Variants in TET3 observed in about 807,000 individuals in gnomAD.
The protein encoded by TET3 is tet methylcytosine dioxygenase 3, also known as methylcytosine dioxygenase TET3.
A neutral mutation model predicts 141.4 loss-of-function variants in TET3; 19 were observed. That is an observed-to-expected ratio of 0.13 (90% CI 0.09 to 0.20). TET3 has a LOEUF of 0.20. TET3 is among the 10% of genes least tolerant of loss of function. TET3 has a pLI of 1.00. For synonymous variants in TET3, 1,043 were observed against 980.9 expected, an observed-to-expected ratio of 1.06 and a Z score of -1.18; for missense variants, 1,874 against 2,356.9, an observed-to-expected ratio of 0.80 and a Z score of 4.24.
chr2:74,100,948 A>G lies in TET3; in HGVS notation c.4160A>G (p.Gln1387Arg), dbSNP rs748544105. 13 of 1,610,988 alleles carry G rather than the reference A, an allele frequency of 8.1e-6. No homozygotes were observed. The highest frequency in any genetic ancestry group is 1.1e-5 in the Non-Finnish European group (13 of 1,178,802). Residue 1387 changes from glutamine to arginine, a missense_variant, in exon 12 of 12, where the codon CAG (glutamine) becomes CGG (arginine). By Grantham distance (43) the Gln-to-Arg change is conservative. Transcript: ENST00000409262. Reference sequence around the variant, plus strand: ...TCCAGGGACCCCTCCCCCTTTGCCCAGAGCTCCAACTGCTACAACAGATCC... The same window carrying G: ...TCCAGGGACCCCTCCCCCTTTGCCCGGAGCTCCAACTGCTACAACAGATCC... ...SVSRDPSPFA[Q>R]SSNCYNRSIK...
chr2:74,006,495 C>T (rs1325986753), intron 3 of TET3, among the ~76,000 whole-genome samples: 3 of 152,208 alleles, frequency 2.0e-5, no homozygotes, highest in African/African-American at 7.2e-5. Context: ...GTGCAGGGGC[C>T]CTGGACCTGC....
At chr2:74,052,914 T>C (rs1429444235) in intron 4 of TET3, among the ~76,000 whole-genome samples, 2 of 152,160 alleles carry the variant, frequency 1.3e-5, no homozygotes, top group Admixed American at 1.3e-4. Context: ...TTCAAGTTAT[T>C]TGGTAATTTT....
the TET3 span, chr2:74,122,416 TGAG>T: frequency 6.7e-6 from 1 of 148,916 alleles, no homozygotes; most frequent in Non-Finnish European, 1.5e-5. Flanking sequence ...GAAAGTGGGG[TGAG>T]GAGTTCTGGT....
chr2:73,989,885 C>T (rs1157061507), intron 2 of TET3, among the ~76,000 whole-genome samples: 1 of 152,080 alleles, frequency 6.6e-6, no homozygotes, highest in Non-Finnish European at 1.5e-5. Context: ...TCTTGGGCAA[C>T]CAGTGCTCCA....
intron 3 of TET3, among the ~76,000 whole-genome samples, chr2:74,030,658 A>G (rs1202374623): frequency 6.6e-6 from 1 of 152,102 alleles, no homozygotes; most frequent in African/African-American, 2.4e-5. Context: ...GTAAGTTGTG[A>G]ATTAGAAGGC....
intron 4 of TET3, among the ~76,000 whole-genome samples, chr2:74,064,196 A>T (rs1688754768): frequency 6.6e-6 from 1 of 152,124 alleles, no homozygotes; most frequent in Admixed American, 6.5e-5. Flanking sequence ...GTTGTTGGCC[A>T]GGCAGCCATT....
downstream of TET3, among the ~76,000 whole-genome samples, chr2:74,108,447 G>GT (rs1331130135): frequency 1.3e-5 from 2 of 152,112 alleles, no homozygotes; most frequent in Non-Finnish European, 2.9e-5. Context: ...TCCCTTTTAT[G>GT]TTTTTTTGTC....
chr2:74,133,983 TCC>T, the TET3 span, among the ~76,000 whole-genome samples: 10 of 150,840 alleles, frequency 6.6e-5, no homozygotes, highest in African/African-American at 2.0e-4. Flanking sequence ...GACCTTGTGA[TCC>T]CCCCCCCTCG....
Position 74,100,839 on chromosome 2 carries a change from C to T in TET3, c.4051C>T (p.His1351Tyr). 1 of 1,612,022 alleles carries T rather than the reference C, an allele frequency of 6.2e-7. No homozygotes were observed. Among genetic ancestry groups the T allele is most frequent in the South Asian group, 1.1e-5 (1 of 90,634 alleles). The change falls in exon 12 of 12, where the codon CAC becomes TAC. Residue 1351 changes from histidine (H) to tyrosine (Y), a missense_variant. His to Tyr is a moderately conservative substitution (Grantham distance 83). Coordinates refer to ENST00000409262, the MANE Select transcript of TET3 (RefSeq NM_001287491.2). ...CCAGGCTGTTCCCACAGACGCCCAC[C>T]ACCCCACTCCTCACCACCAGCAGCC... ...PSQAVPTDAH[H>Y]PTPHHQQPAY...
the TET3 span, chr2:74,134,637 T>C: frequency 2.2e-6 from 1 of 455,004 alleles, no homozygotes; most frequent in Non-Finnish European, 4.4e-6. Flanking sequence ...TGCTGGCTGA[T>C]GGGAGCAGAA....
chr2:74,094,956 G>T (rs1490425463), intron 10 of TET3, among the ~76,000 whole-genome samples: 1 of 152,170 alleles, frequency 6.6e-6, no homozygotes, highest in Non-Finnish European at 1.5e-5. Context: ...TTTATAGTTA[G>T]AGCTGTGAGG....
intron 3 of TET3, among the ~76,000 whole-genome samples, chr2:74,017,882 C>T (rs544968243): frequency 3.9e-5 from 6 of 152,124 alleles, no homozygotes; most frequent in East Asian, 1.9e-4. Flanking sequence ...CCCCTTTCTC[C>T]GCATCCTCAC....
intron 4 of TET3, among the ~76,000 whole-genome samples, chr2:74,062,227 C>T (rs1024503160): frequency 2.0e-5 from 3 of 152,090 alleles, no homozygotes; most frequent in South Asian, 2.1e-4. Context: ...GAGACCAGCC[C>T]GGCCAACACA....
chr2:74,040,813 G>A (rs957127762), intron 3 of TET3, among the ~76,000 whole-genome samples: 1 of 152,162 alleles, frequency 6.6e-6, no homozygotes, highest in African/African-American at 2.4e-5. Context: ...GGAGGCTGAG[G>A]TGGGAGAATC....
chr2:73,989,326 C>G (rs1054552282), intron 2 of TET3, among the ~76,000 whole-genome samples: 1 of 152,164 alleles, frequency 6.6e-6, no homozygotes, highest in African/African-American at 2.4e-5. Context: ...TACCTGCATT[C>G]CTGCTGTGTG....
chr2:74,077,771 A>C (rs535513558), intron 5 of TET3, among the ~76,000 whole-genome samples: 7 of 152,346 alleles, frequency 4.6e-5, no homozygotes, highest in Non-Finnish European at 8.8e-5. Context: ...CAGTGTCCTC[A>C]GCTCACCCTC....
chr2:73,983,748 T>C (rs1683866679), upstream of TET3, among the ~76,000 whole-genome samples: 1 of 152,252 alleles, frequency 6.6e-6, no homozygotes, highest in Non-Finnish European at 1.5e-5. Context: ...GCCAGGTACC[T>C]GGCTCCGTGA....
the TET3 span, among the ~76,000 whole-genome samples, chr2:74,125,664 T>C: frequency 2.0e-5 from 3 of 152,072 alleles, no homozygotes; most frequent in Non-Finnish European, 4.4e-5. Flanking sequence ...CTCTCATATA[T>C]AGTACCTGCC....
In TET3 at chr2:74,092,892, C is replaced by G. The variant is rs1248462024; in HGVS notation, c.3040-10C>G. On this transcript the variant is annotated splice_polypyrimidine_tract_variant and intron_variant, in intron 8 of 11. Transcript: ENST00000409262. ...CTGCTCTGGATGTGTGACTGCCCCT[C>G]TCTCTGCAGGAAGAAGTGCTCCGGA... 1.9e-6 allele frequency: 3 copies of G among 1,579,644 alleles called. No homozygotes were observed. Among genetic ancestry groups the G allele is most frequent in the Non-Finnish European group, 1.7e-6 (2 of 1,162,788 alleles).
Sources: gnomAD v4.1 joint callset for allele counts (sites outside exome capture counted in the v4.1 genomes callset) on GRCh38, gnomAD v4.1.1 for gene constraint, MANE v1.5 for transcripts, NCBI Gene and HGNC (gene_info 2026-07-23, HGNC 2026-07-21) for gene names.